SLC23A2: variants seen among roughly 807,000 people sequenced by gnomAD.
SLC23A2 encodes the protein Na(+)/L-ascorbic acid transporter 2.
SLC23A2 carries 36 observed loss-of-function variants against 73.3 expected under a neutral mutation model. That is an observed-to-expected ratio of 0.49 (90% CI 0.38 to 0.65). The LOEUF (loss-of-function observed/expected upper bound fraction) is 0.65, where lower values mean the gene tolerates loss of function less well. Ranked by LOEUF, SLC23A2 falls within the 30% of genes least tolerant of loss-of-function variation. SLC23A2 has a pLI of 0.00. For missense variants in SLC23A2, 507 were observed against 841.6 expected (o/e 0.60, Z 4.92); for synonymous variants, 343 against 327.3 (o/e 1.05, Z -0.52).
rs1302181391 is a variant in SLC23A2, at chr20:4,857,329, CACACACAT to C, written c.1721-133_1721-126del. On this transcript the variant is annotated intron_variant, in intron 16 of 16. Transcript: ENST00000338244. The surrounding 1 kb of genome is among the most constrained non-coding windows in gnomAD (Gnocchi z 4.0). The stretch of plus-strand genomic sequence containing the variant: ...ACACACACACACACACACACACACA[CACACACAT>C]GGTCCCACAGATCAAACCTGCCTAG... 1.6e-3 allele frequency: 856 copies of C among 533,108 alleles called. 3 individuals carry two copies. The highest frequency in any genetic ancestry group is 0.012 in the African/African-American group (431 of 34,724). 33.0% of individuals were successfully genotyped at this position (533,108 alleles called of 1,614,324 possible).
intron 3 of SLC23A2, among the ~76,000 whole-genome samples, chr20:4,918,377 G>A (rs1400590437): frequency 6.6e-6 from 1 of 152,138 alleles, no homozygotes; most frequent in African/African-American, 2.4e-5. Context: ...GCTATGAAAG[G>A]AGGTTTTCTC....
chr20:4,940,422 G>A (rs1490207495), intron 2 of SLC23A2, among the ~76,000 whole-genome samples: 1 of 151,576 alleles, frequency 6.6e-6, no homozygotes, highest in Non-Finnish European at 1.5e-5. Flanking sequence ...ATAAACAGAA[G>A]TTCAACAAGT....
At chr20:4,989,950 AG>A (rs1424812595) in intron 1 of SLC23A2, among the ~76,000 whole-genome samples, 2 of 152,180 alleles carry the variant, frequency 1.3e-5, no homozygotes, top group African/African-American at 4.8e-5. Context: ...TCCACTTCCC[AG>A]CCCCCTTGCA....
intron 1 of SLC23A2, among the ~76,000 whole-genome samples, chr20:4,990,575 G>A (rs2087908849): frequency 6.7e-6 from 1 of 148,558 alleles, no homozygotes; most frequent in Non-Finnish European, 1.5e-5. Context: ...GTTTCACCAT[G>A]TTGGCCAGGC....
Position 4,902,512 on chromosome 20 carries a change from TG to T in SLC23A2, c.253del (p.Gln85SerfsTer5). 6.2e-7 allele frequency: 1 copy of T among 1,613,232 alleles called. No homozygotes were observed. The highest frequency in any genetic ancestry group is 8.5e-7 in the Non-Finnish European group (1 of 1,179,498). ...TATGGTATAAATCATGTCTGATCGC[TG>T]GGGGTCCAGACTGCCAGTGCTATCC... ...TLDSTGSLDP[Q>X]RSDMIYTIED... On this transcript the variant is annotated frameshift_variant, in exon 5 of 17. Coordinates refer to ENST00000338244, the MANE Select transcript of SLC23A2 (RefSeq NM_005116.6). LOFTEE classifies it high-confidence loss of function. This position sits in a 1 kb window ranked among gnomAD's most constrained non-coding sequence, Gnocchi z 4.0.
chr20:5,004,698 A>G (rs1354971303), upstream of SLC23A2, among the ~76,000 whole-genome samples: 1 of 150,820 alleles, frequency 6.6e-6, no homozygotes, highest in Non-Finnish European at 1.5e-5. Flanking sequence ...AAATAAATAA[A>G]TTAATTAATT....
chr20:4,878,912 C>G (rs1930764871), intron 9 of SLC23A2, among the ~76,000 whole-genome samples: 1 of 152,216 alleles, frequency 6.6e-6, no homozygotes, highest in African/African-American at 2.4e-5. Flanking sequence ...AAGTCACCAT[C>G]CCCTCTCCTC....
chr20:4,858,095 T>C (rs1929807808), intron 16 of SLC23A2, among the ~76,000 whole-genome samples: 1 of 152,216 alleles, frequency 6.6e-6, no homozygotes, highest in African/African-American at 2.4e-5. Context: ...AACCAGTCAC[T>C]GCACATTCAC....
At chr20:5,006,454 G>C (rs1174540194), upstream of SLC23A2, among the ~76,000 whole-genome samples, 1 of 151,992 alleles carries the variant, frequency 6.6e-6, no homozygotes. Context: ...ATAGAATTTG[G>C]GGGGTGGGGA....
At chr20:4,949,499 G>T (rs1368751740) in intron 2 of SLC23A2, among the ~76,000 whole-genome samples, 4 of 152,072 alleles carry the variant, frequency 2.6e-5, no homozygotes, top group Non-Finnish European at 4.4e-5. Context: ...CCTAAGGGCG[G>T]TGCCTTCTAA....
intron 1 of SLC23A2, among the ~76,000 whole-genome samples, chr20:4,986,047 T>C (rs1178418500): frequency 1.3e-5 from 2 of 152,202 alleles, no homozygotes; most frequent in African/African-American, 4.8e-5. Context: ...TTCTTTTCCA[T>C]AGGATAGTAT....
chr20:4,908,947 G>A (rs977716829), intron 4 of SLC23A2, among the ~76,000 whole-genome samples: 1 of 152,110 alleles, frequency 6.6e-6, no homozygotes, highest in South Asian at 2.1e-4. Flanking sequence ...ACATTGTACT[G>A]AAGTTATAAA....
chr20:4,904,417 T>G (rs777797944), intron 4 of SLC23A2, among the ~76,000 whole-genome samples: 3 of 151,982 alleles, frequency 2.0e-5, no homozygotes, highest in Non-Finnish European at 2.9e-5. Flanking sequence ...TGTGCCTTTT[T>G]CCATTGTTGA....
In SLC23A2 at chr20:4,863,836, G is replaced by A. The variant is rs1020932276; in HGVS notation, c.1357-929C>T. The stretch of plus-strand genomic sequence containing the variant: ...CATCACCCAAATGCTCCTCTGAAAA[G>A]CATCCCAACTCCAGGACTATTCCCC... On this transcript the variant is annotated intron_variant, in intron 13 of 16. Transcript: ENST00000338244. This position sits in a 1 kb window ranked among gnomAD's most constrained non-coding sequence, Gnocchi z 4.8. Among the ~76,000 whole-genome samples the A allele has an allele frequency of 2.0e-5, 3 of 152,108 alleles. No homozygotes were observed. Among genetic ancestry groups the A allele is most frequent in the African/African-American group, 7.2e-5 (3 of 41,422 alleles).
At chr20:4,923,095 A>G (rs1181047771) in intron 3 of SLC23A2, among the ~76,000 whole-genome samples, 1 of 152,102 alleles carries the variant, frequency 6.6e-6, no homozygotes, top group Non-Finnish European at 1.5e-5. Context: ...ACCAGAGGAA[A>G]AAAAATTAAT....
chr20:4,896,073 C>T (rs1931507688), intron 6 of SLC23A2, among the ~76,000 whole-genome samples: 1 of 152,096 alleles, frequency 6.6e-6, no homozygotes, highest in African/African-American at 2.4e-5. Context: ...AGTCTGCATC[C>T]CAACAGGAAG....
intron 5 of SLC23A2, among the ~76,000 whole-genome samples, chr20:4,900,761 C>T (rs1006402688): frequency 3.3e-5 from 5 of 152,134 alleles, no homozygotes; most frequent in Non-Finnish European, 5.9e-5. Flanking sequence ...CCCCGCCACA[C>T]CTGTAGCCCT....
chr20:5,007,530 C>CA (rs1255418031), intron 1 of SLC23A2, among the ~76,000 whole-genome samples: 3 of 152,064 alleles, frequency 2.0e-5, no homozygotes, highest in African/African-American at 7.2e-5. Flanking sequence ...GACTCAGTGT[C>CA]AAAAACAAAC....
Position 4,868,072 on chromosome 20 carries a change from ATTTTTTTTTTTT to A in SLC23A2, c.1251-209_1251-198del, listed in dbSNP as rs574379772. 1.1e-5 allele frequency among the ~76,000 whole-genome samples: 1 copy of A among 94,418 alleles called. No homozygotes were observed. Among genetic ancestry groups the A allele is most frequent in the Non-Finnish European group, 2.0e-5 (1 of 50,618 alleles). 61.9% of individuals were successfully genotyped at this position (94,418 alleles called of 152,430 possible). ...CCTGCTGAAGCAGAAAAGAATCTGCATTTTTTTTTTTTTTTTTTTTTTTTTTAGAGAGTGTCT... is the reference window on the plus strand; with the variant it reads ...CCTGCTGAAGCAGAAAAGAATCTGCATTTTTTTTTTTTTTAGAGAGTGTCT... On this transcript the variant is annotated intron_variant, in intron 12 of 16. Transcript: ENST00000338244. This position sits in a 1 kb window ranked among gnomAD's most constrained non-coding sequence, Gnocchi z 4.4.
Sources: gnomAD v4.1 joint callset for allele counts (sites outside exome capture counted in the v4.1 genomes callset) on GRCh38, gnomAD v4.1.1 for gene constraint, Gnocchi (gnomAD v3.1) non-coding constraint, MANE v1.5 for transcripts, NCBI Gene and HGNC (gene_info 2026-07-23, HGNC 2026-07-21) for gene names.